The following LINS1 variants were observed in gnomAD, a reference collection of about 807,000 sequenced individuals.
LINS1 encodes the protein protein Lines homolog 1.
Under a neutral mutation model 41.6 loss-of-function variants are expected in LINS1, and 27 were observed. The ratio of observed to expected loss-of-function variants is 0.65; its 90% CI spans 0.48 to 0.89. The LOEUF is 0.89. Ranked by LOEUF, LINS1 falls within the 40% of genes least tolerant of loss-of-function variation. The pLI is 0.00. For synonymous variants in LINS1, 336 were observed against 312.9 expected, an observed-to-expected ratio of 1.07 and a Z score of -0.78; for missense variants, 955 against 884.1, an observed-to-expected ratio of 1.08 and a Z score of -1.02.
chr15:100,580,653 C>A lies in LINS1; in HGVS notation c.190G>T (p.Val64Phe), dbSNP rs1284832795. 16 of 1,613,850 alleles carry A rather than the reference C, an allele frequency of 9.9e-6. No homozygotes were observed. The highest frequency in any genetic ancestry group is 1.4e-5 in the Non-Finnish European group (16 of 1,179,946). The change falls in exon 2 of 7, where the codon GTT becomes TTT. Residue 64 changes from valine to phenylalanine, a missense_variant. By Grantham distance (50) the Val-to-Phe change is conservative. Coordinates refer to ENST00000314742, the MANE Select transcript of LINS1 (RefSeq NM_001040616.3). ...GCTACAGCAATGGGAGCCACACCAA[C>A]AGAGATGGGCTGATGCCTGCCCTGG... ...GIQGRHQPIS[V>F]GVAPIAVAPV...
At chr15:100,592,133 T>G (rs1008852784) in intron 1 of LINS1, among the ~76,000 whole-genome samples, 2 of 152,248 alleles carry the variant, frequency 1.3e-5, no homozygotes, top group Admixed American at 6.5e-5. Context: ...AGAGGGTATG[T>G]AAACCTCAGA....
intron 1 of LINS1, among the ~76,000 whole-genome samples, chr15:100,600,547 T>C (rs1240661111): frequency 3.3e-4 from 1 of 2,990 alleles, no homozygotes; most frequent in East Asian, 1.1e-3. Flanking sequence ...GTCCTGCTGT[T>C]AAGCAAAAAA....
intron 6 of LINS1, among the ~76,000 whole-genome samples, chr15:100,571,104 C>A (rs548216663): frequency 3.5e-4 from 53 of 152,266 alleles, no homozygotes; most frequent in African/African-American, 1.2e-3. Flanking sequence ...TGATTAGGAC[C>A]TTTTGAAAAT....
intron 5 of LINS1, chr15:100,572,359 C>T: frequency 8.4e-7 from 1 of 1,195,208 alleles, no homozygotes; most frequent in Non-Finnish European, 1.0e-6. Context: ...TATGTGATTT[C>T]TTGCTAAAAG....
rs773846340 is a variant in LINS1 at position 100,571,927 on chromosome 15, T to C, written c.1361A>G (p.Lys454Arg). ...EQDDDMLEAA[K>R]ASLGIYLTLT... Reference sequence around the variant, plus strand: ...TGTTAAGTAGATGCCCAGTGATGCCTTGGCAGCCTCCAGCATGTCATCGTC... The same window carrying C: ...TGTTAAGTAGATGCCCAGTGATGCCCTGGCAGCCTCCAGCATGTCATCGTC... Residue 454 changes from lysine to arginine, a missense_variant, in exon 6 of 7, where the codon AAG (lysine) becomes AGG (arginine). Transcript: ENST00000314742. 1.2e-6 allele frequency: 2 copies of C among 1,614,224 alleles called. No homozygotes were observed. The highest frequency in any genetic ancestry group is 1.3e-5 in the African/African-American group (1 of 75,054).
chr15:100,588,464 C>T (rs1319569904), intron 1 of LINS1, among the ~76,000 whole-genome samples: 2 of 152,210 alleles, frequency 1.3e-5, no homozygotes, highest in African/African-American at 2.4e-5. Context: ...AAGTGTAATG[C>T]CTTTCATTTA....
rs765141049 is a variant in LINS1, at chr15:100,574,011, T to C, written c.862A>G (p.Thr288Ala). Residue 288 changes from threonine (T) to alanine (A), a missense_variant, in exon 5 of 7, where the codon ACC (threonine) becomes GCC (alanine). Transcript: ENST00000314742. ...LKPSCMLEVI[T>A]WPIQAFVKRK... is the part of the protein sequence containing the mutation. ...TTAACAAAAGCCTGAATAGGCCAGGTAATAACTTCTAGCATGCAAGATGGT... is the reference window on the plus strand; with the variant it reads ...TTAACAAAAGCCTGAATAGGCCAGGCAATAACTTCTAGCATGCAAGATGGT... 1.9e-5 allele frequency: 30 copies of C among 1,614,024 alleles called. No individual in the cohort carries two copies. In the East Asian group the frequency reaches 5.8e-4, roughly 31 times the overall value.
rs562797353 is a variant in LINS1 at position 100,572,968 on chromosome 15, T to C, written c.1222+683A>G. 1.5e-4 allele frequency: 54 copies of C among 350,708 alleles called. No homozygotes were observed. In the Admixed American group the frequency reaches 2.1e-3, roughly 13 times the overall value. 21.7% of individuals were successfully genotyped at this position (350,708 alleles called of 1,614,324 possible). A position where few individuals can be genotyped will look rare whatever the true frequency, so the allele number is the denominator to read the frequency against. On this transcript the variant is annotated intron_variant, in intron 5 of 6. Coordinates refer to ENST00000314742, the MANE Select transcript of LINS1 (RefSeq NM_001040616.3). ...TCACTTCAGCTCAAAACGTTGAGGCTGCAGTGAGCCTGGGAGACAGAGCAA... is the reference window on the plus strand; with the variant it reads ...TCACTTCAGCTCAAAACGTTGAGGCCGCAGTGAGCCTGGGAGACAGAGCAA...
intron 6 of LINS1, among the ~76,000 whole-genome samples, chr15:100,571,493 C>T (rs752580408): frequency 3.9e-5 from 6 of 152,304 alleles, no homozygotes; most frequent in Non-Finnish European, 8.8e-5. Flanking sequence ...TTCAGAACAG[C>T]TTCTTTGATT....
At chr15:100,578,420 A>G (rs1016480966) in intron 3 of LINS1, among the ~76,000 whole-genome samples, 17 of 152,050 alleles carry the variant, frequency 1.1e-4, no homozygotes, top group Non-Finnish European at 1.8e-4. Context: ...AGACACATGA[A>G]AAAATGCTCA....
intron 1 of LINS1, among the ~76,000 whole-genome samples, chr15:100,600,549 A>T (rs1256954422): frequency 1.5e-5 from 2 of 131,530 alleles, no homozygotes; most frequent in Non-Finnish European, 3.2e-5. Flanking sequence ...CCTGCTGTTA[A>T]GCAAAAAAAA....
intron 3 of LINS1, among the ~76,000 whole-genome samples, chr15:100,579,476 A>C (rs1211753840): frequency 6.6e-6 from 1 of 151,814 alleles, no homozygotes; most frequent in Non-Finnish European, 1.5e-5. Flanking sequence ...TAAAGAAAAA[A>C]AAAAGAAAAT....
In LINS1 at chr15:100,574,245, C is replaced by A; in HGVS notation, c.632-4G>T. 1 of 1,544,424 alleles carries A rather than the reference C, an allele frequency of 6.5e-7. No homozygotes were observed. The highest frequency in any genetic ancestry group is 9.0e-7 in the Non-Finnish European group (1 of 1,117,040). On this transcript the variant is annotated splice_region_variant and splice_polypyrimidine_tract_variant and intron_variant, in intron 4 of 6. Transcript: ENST00000314742. ...GTCAGGAACTGCTTTAGAATTTCTGCAATTATAAAAATAGGAATTATAAAC... is the reference window on the plus strand; with the variant it reads ...GTCAGGAACTGCTTTAGAATTTCTGAAATTATAAAAATAGGAATTATAAAC...
intron 3 of LINS1, among the ~76,000 whole-genome samples, chr15:100,579,400 T>TA (rs1491185457): frequency 4.9e-5 from 1 of 20,280 alleles, no homozygotes; most frequent in Non-Finnish European, 7.9e-4. Flanking sequence ...ACCTTTAACT[T>TA]ATTTTTTTTT....
At chr15:100,590,896 C>T (rs1188061268) in intron 1 of LINS1, among the ~76,000 whole-genome samples, 2 of 152,126 alleles carry the variant, frequency 1.3e-5, no homozygotes, top group African/African-American at 2.4e-5. Flanking sequence ...ACAATAGTCT[C>T]GGCCAGGCAT....
At chr15:100,579,486 T>C (rs1310235303) in intron 3 of LINS1, among the ~76,000 whole-genome samples, 1 of 150,934 alleles carries the variant, frequency 6.6e-6, no homozygotes, top group Non-Finnish European at 1.5e-5. Context: ...AAAAAGAAAA[T>C]AAAAATGAAA....
intron 3 of LINS1, among the ~76,000 whole-genome samples, chr15:100,578,609 C>T (rs1389834633): frequency 6.6e-6 from 1 of 152,230 alleles, no homozygotes; most frequent in Non-Finnish European, 1.5e-5. Context: ...GCGTGGAAGA[C>T]AGTGTGGCGA....
Position 100,569,620 on chromosome 15 carries a change from C to A in LINS1, c.1892G>T (p.Ser631Ile), listed in dbSNP as rs2037696046. ...RASQSLVDYD[S>I]SDDSDVESTE... ...GGATTCCACGTCAGAATCGTCAGAG[C>A]TGTCGTAATCTACCAGACTTTGAGA... The change falls in exon 7 of 7, where the codon AGC (serine) becomes ATC (isoleucine). Residue 631 changes from serine to isoleucine, a missense_variant. Ser to Ile is a moderately radical substitution (Grantham distance 142). Coordinates refer to ENST00000314742, the MANE Select transcript of LINS1 (RefSeq NM_001040616.3). 2 of 1,612,988 alleles carry A rather than the reference C, an allele frequency of 1.2e-6. No individual in the cohort carries two copies. The highest frequency in any genetic ancestry group is 2.7e-5 in the African/African-American group (2 of 75,004).
chr15:100,580,572 G>A lies in LINS1; in HGVS notation c.271C>T (p.Leu91Phe), dbSNP rs753842888. ...ATCACTTTGATCACTGTTAACTGAA[G>A]GAGCATTACTTCTCTGGAACCGCTC... is the stretch of plus-strand genomic sequence containing the variant. ...QMSGSREVML[L>F]QLTVIKVMTT... The change falls in exon 2 of 7, where the codon CTT becomes TTT. Residue 91 changes from leucine to phenylalanine, a missense_variant. By Grantham distance (22) the Leu-to-Phe change is conservative (BLOSUM62 0). Coordinates refer to ENST00000314742, the MANE Select transcript of LINS1 (RefSeq NM_001040616.3). 7 of 1,613,898 alleles carry A rather than the reference G, an allele frequency of 4.3e-6. No homozygotes were observed. The highest frequency in any genetic ancestry group is 2.2e-5 in the East Asian group (1 of 44,898).
Sources: gnomAD v4.1 joint callset for allele counts (sites outside exome capture counted in the v4.1 genomes callset) on GRCh38, gnomAD v4.1.1 for gene constraint, MANE v1.5 for transcripts, NCBI Gene and HGNC (gene_info 2026-07-23, HGNC 2026-07-21) for gene names.